CADM2: variants seen among roughly 807,000 people sequenced by gnomAD.
CADM2 encodes the protein cell adhesion molecule 2.
Under a neutral mutation model 49.8 loss-of-function variants are expected in CADM2, and 12 were observed. That is an observed-to-expected ratio of 0.24 (90% CI 0.15 to 0.39). The LOEUF (loss-of-function observed/expected upper bound fraction) is 0.39, where lower values mean the gene tolerates loss of function less well. Ranked by LOEUF, CADM2 falls within the 10% of genes least tolerant of loss-of-function variation. The probability of loss-of-function intolerance (pLI) is 1.00; values close to 1 mark genes in which losing one functional copy is unlikely to be tolerated. For synonymous variants in CADM2, 214 were observed against 175.4 expected (o/e 1.22, Z -1.74); for missense variants, 378 against 492.3 (o/e 0.77, Z 2.20).
intron 2 of CADM2, among the ~76,000 whole-genome samples, chr3:85,754,957 A>C (rs545303878): frequency 6.6e-6 from 1 of 152,358 alleles, no homozygotes; most frequent in South Asian, 2.1e-4. Context: ...TTAAATTAAC[A>C]GTAAATTAGT....
chr3:85,836,714 A>C (rs544283095), intron 3 of CADM2, among the ~76,000 whole-genome samples: 1 of 151,730 alleles, frequency 6.6e-6, no homozygotes, highest in South Asian at 2.1e-4. Flanking sequence ...CTTCAAAGAC[A>C]ATCCCTCCTG....
At chr3:85,718,302 C>T (rs2067371153) in intron 1 of CADM2, among the ~76,000 whole-genome samples, 1 of 152,130 alleles carries the variant, frequency 6.6e-6, no homozygotes, top group South Asian at 2.1e-4. Flanking sequence ...GTAATGTAGA[C>T]ATAAAATATA....
chr3:85,221,035 G>C (rs1054387154), intron 1 of CADM2, among the ~76,000 whole-genome samples: 12 of 152,156 alleles, frequency 7.9e-5, no homozygotes, highest in African/African-American at 2.9e-4. Flanking sequence ...AACTGTAGGA[G>C]AATTAATGCC....
chr3:85,554,207 G>A (rs889216809), intron 1 of CADM2, among the ~76,000 whole-genome samples: 50 of 152,120 alleles, frequency 3.3e-4, no homozygotes, highest in Admixed American at 2.7e-3. Flanking sequence ...TTAGATTCTC[G>A]TAAGGAGTAT....
Position 85,806,203 on chromosome 3 carries a change from G to A in CADM2, c.238+4007G>A, listed in dbSNP as rs180737512. On this transcript the variant is annotated intron_variant, in intron 3 of 9. Coordinates refer to ENST00000383699, the MANE Select transcript of CADM2 (RefSeq NM_001167675.2). ...GGGAGGGAGGGAGGAAGGAAGGAAGGAAAGAAGGAAGGAAGGAAGGAAGGA... is the reference window on the plus strand; with the variant it reads ...GGGAGGGAGGGAGGAAGGAAGGAAGAAAAGAAGGAAGGAAGGAAGGAAGGA... Among the ~76,000 whole-genome samples, 3 of 150,758 alleles carry A rather than the reference G, an allele frequency of 2.0e-5. No individual in the cohort carries two copies. In the East Asian group the frequency reaches 5.9e-4, roughly 30 times the overall value.
intron 1 of CADM2, among the ~76,000 whole-genome samples, chr3:85,144,243 A>ATG (rs1559686531): frequency 3.0e-5 from 3 of 98,778 alleles, no homozygotes; most frequent in East Asian, 1.5e-3. Context: ...TTTGTTACAC[A>ATG]CGCACACACA....
intron 8 of CADM2, among the ~76,000 whole-genome samples, chr3:86,041,458 A>G (rs1735923326): frequency 6.6e-6 from 1 of 152,206 alleles, no homozygotes; most frequent in African/African-American, 2.4e-5. Flanking sequence ...CAGACTTTAA[A>G]CCGACAAAGA....
intron 2 of CADM2, among the ~76,000 whole-genome samples, chr3:85,760,263 G>C (rs1240318377): frequency 6.6e-6 from 1 of 151,950 alleles, no homozygotes; most frequent in East Asian, 1.9e-4. Flanking sequence ...TACTGTTAAA[G>C]AGATTTGCAG....
chr3:85,216,275 TTAAA>T (rs1337174075), intron 1 of CADM2, among the ~76,000 whole-genome samples: 2 of 147,248 alleles, frequency 1.4e-5, no homozygotes, highest in Non-Finnish European at 3.0e-5. Flanking sequence ...AGTTTATCTA[TTAAA>T]TATATTTATA....
At chr3:85,471,159 AG>A (rs2038747159) in intron 1 of CADM2, among the ~76,000 whole-genome samples, 1 of 152,086 alleles carries the variant, frequency 6.6e-6, no homozygotes, top group South Asian at 2.1e-4. Context: ...TCCAAGATGT[AG>A]GGGTGGCTCA....
chr3:85,115,148 T>C (rs1256190856), intron 1 of CADM2, among the ~76,000 whole-genome samples: 1 of 152,204 alleles, frequency 6.6e-6, no homozygotes, highest in African/African-American at 2.4e-5. Context: ...TTTAACTACT[T>C]GAATGCTCTT....
intron 1 of CADM2, among the ~76,000 whole-genome samples, chr3:85,371,677 G>GTGTGTA (rs1251505613): frequency 0.031 from 2,954 of 94,970 alleles, 68 homozygotes; most frequent in Admixed American, 0.037. Context: ...GTGTGTGTGT[G>GTGTGTA]TATATATATA....
chr3:85,280,457 T>C (rs2043472831), intron 1 of CADM2, among the ~76,000 whole-genome samples: 1 of 151,722 alleles, frequency 6.6e-6, no homozygotes. Context: ...TCAAGTTGTT[T>C]TTCGCTTGCA....
At chr3:86,017,510 C>T (rs1314003510) in intron 8 of CADM2, among the ~76,000 whole-genome samples, 1 of 151,918 alleles carries the variant, frequency 6.6e-6, no homozygotes, top group African/African-American at 2.4e-5. Context: ...ACCCGCAGAT[C>T]GCTTGAGCCA....
rs1051212145 is a variant in CADM2 at position 86,072,884 on chromosome 3, T to G, written c.*6101T>G. ...AGAAAGAAAAATAATCTAGAAATTT[T>G]TCAAAGCTAGTACTCTTTCTCCTTA... is the stretch of plus-strand genomic sequence containing the variant. On this transcript the variant is annotated 3_prime_UTR_variant, in exon 10 of 10. Transcript: ENST00000383699. 2.0e-5 allele frequency: 3 copies of G among 152,090 alleles called. No individual in the cohort carries two copies. The highest frequency in any genetic ancestry group is 4.4e-5 in the Non-Finnish European group (3 of 67,980). The allele number at this position is 152,090 out of a possible 1,614,324, so 9.4% of individuals were successfully genotyped here.
At chr3:85,937,054 C>T (rs1721257618) in intron 7 of CADM2, among the ~76,000 whole-genome samples, 1 of 151,836 alleles carries the variant, frequency 6.6e-6, no homozygotes, top group Non-Finnish European at 1.5e-5. Flanking sequence ...GCTCAAGTAG[C>T]ATCCAATTGT....
chr3:85,695,441 C>T (rs2066520574), intron 1 of CADM2, among the ~76,000 whole-genome samples: 1 of 151,982 alleles, frequency 6.6e-6, no homozygotes, highest in Admixed American at 6.6e-5. Context: ...ATTTGGTTTT[C>T]CATTCCTGAG....
chr3:85,127,524 T>C (rs1478105630), intron 1 of CADM2, among the ~76,000 whole-genome samples: 1 of 152,214 alleles, frequency 6.6e-6, no homozygotes. Flanking sequence ...AGAAGGGGGC[T>C]TCTGGGTCAG....
At chr3:85,286,833 T>A (rs1339312462) in intron 1 of CADM2, among the ~76,000 whole-genome samples, 1 of 152,120 alleles carries the variant, frequency 6.6e-6, no homozygotes, top group Non-Finnish European at 1.5e-5. Context: ...GCATTTAGTA[T>A]TGTCTATAAT....
Sources: gnomAD v4.1 joint callset for allele counts (sites outside exome capture counted in the v4.1 genomes callset) on GRCh38, gnomAD v4.1.1 for gene constraint, MANE v1.5 for transcripts, NCBI Gene and HGNC (gene_info 2026-07-23, HGNC 2026-07-21) for gene names.